Variants in NSMCE2 observed in about 807,000 individuals in gnomAD.
NSMCE2 encodes NSE2 SUMO ligase component of SMC5/6 complex.
NSMCE2 carries 24 observed loss-of-function variants against 23.8 expected under a neutral mutation model. The observed-to-expected ratio is 1.01, with a 90% CI of 0.73 to 1.42. The LOEUF (loss-of-function observed/expected upper bound fraction) is 1.42. NSMCE2 is among the 40% of genes most tolerant of loss of function. NSMCE2 has a pLI of 0.00. For synonymous variants in NSMCE2, 92 were observed against 94.1 expected (o/e 0.98, Z 0.13); for missense variants, 284 against 296.5 (o/e 0.96, Z 0.31).
At chr8:125,295,687 G>A (rs1339316101) in intron 5 of NSMCE2, among the ~76,000 whole-genome samples, 1 of 152,166 alleles carries the variant, frequency 6.6e-6, no homozygotes, top group Non-Finnish European at 1.5e-5. Context: ...AATTTTTAGT[G>A]TGTGATTGTG....
chr8:125,325,169 TACTC>T, intron 5 of NSMCE2, among the ~76,000 whole-genome samples: 1 of 152,268 alleles, frequency 6.6e-6, no homozygotes, highest in Non-Finnish European at 1.5e-5. Context: ...TAGTCTCAGT[TACTC>T]AGGAGGCTGA....
At chr8:125,346,655 C>A (rs898974825) in intron 5 of NSMCE2, among the ~76,000 whole-genome samples, 1 of 152,080 alleles carries the variant, frequency 6.6e-6, no homozygotes, top group Admixed American at 6.6e-5. Flanking sequence ...GATCATCAAG[C>A]CTTTTCTTAT....
chr8:125,234,533 A>G (rs1465588255), intron 5 of NSMCE2, among the ~76,000 whole-genome samples: 1 of 152,200 alleles, frequency 6.6e-6, no homozygotes, highest in African/African-American at 2.4e-5. Context: ...TAACTTTATT[A>G]TAATAACTTA....
At chr8:125,221,866 G>A (rs897742391) in intron 5 of NSMCE2, among the ~76,000 whole-genome samples, 1 of 152,158 alleles carries the variant, frequency 6.6e-6, no homozygotes. Flanking sequence ...GGATTTTGAA[G>A]CATTTCAGAT....
intron 3 of NSMCE2, among the ~76,000 whole-genome samples, chr8:125,120,425 C>T (rs1354267966): frequency 6.6e-6 from 1 of 152,112 alleles, no homozygotes; most frequent in East Asian, 1.9e-4. Context: ...ACATAAAATG[C>T]CAATTTTAAA....
At chr8:125,116,879 A>C (rs1048672207) in intron 3 of NSMCE2, among the ~76,000 whole-genome samples, 48 of 149,702 alleles carry the variant, frequency 3.2e-4, no homozygotes, top group Non-Finnish European at 5.9e-4. Context: ...TTACTTAAGC[A>C]TATAACTTTT....
At chr8:125,167,772 T>A (rs1321407309) in intron 4 of NSMCE2, among the ~76,000 whole-genome samples, 1 of 152,158 alleles carries the variant, frequency 6.6e-6, no homozygotes, top group Non-Finnish European at 1.5e-5. Flanking sequence ...GATTTTTTTT[T>A]TTTATTTTAG....
chr8:125,355,515 T>C (rs1286083918), intron 5 of NSMCE2, among the ~76,000 whole-genome samples: 2 of 151,882 alleles, frequency 1.3e-5, no homozygotes, highest in East Asian at 1.9e-4. Context: ...GCCTGGCCAA[T>C]ATGGTGAAAC....
chr8:125,266,072 C>T (rs1826898338), intron 5 of NSMCE2, among the ~76,000 whole-genome samples: 2 of 148,568 alleles, frequency 1.3e-5, no homozygotes, highest in South Asian at 2.1e-4. Flanking sequence ...TGTGAGCTTG[C>T]GGGGCAGGTC....
chr8:125,344,441 C>T (rs7824635), intron 5 of NSMCE2, among the ~76,000 whole-genome samples: 15,078 of 152,110 alleles, frequency 0.099, 1,526 homozygotes, highest in African/African-American at 0.26. Context: ...TTTCTATATA[C>T]CATTGTTTAA....
rs1184148348 is a variant in NSMCE2, at chr8:125,320,251, GGGAAGGAAGGAAGGAAGGAAGGAA to G, written c.419-36933_419-36910del. Among the ~76,000 whole-genome samples the G allele has an allele frequency of 3.1e-3, 179 of 58,300 alleles. 3 individuals carry two copies. The highest frequency in any genetic ancestry group is 0.013 in the African/African-American group (159 of 12,652). The allele number at this position is 58,300 out of a possible 152,430, so 38.2% of individuals were successfully genotyped here. A position where few individuals can be genotyped will look rare whatever the true frequency, so the allele number is the denominator to read the frequency against. ...GGGAGGGAAGGGAGGGAGGGAGGGA[GGGAAGGAAGGAAGGAAGGAAGGAA>G]GGAAGGAAGGAAGGAAGGAAGGAAG... is the stretch of plus-strand genomic sequence containing the variant. On this transcript the variant is annotated intron_variant, in intron 5 of 7. Transcript: ENST00000287437.
At chr8:125,341,069 C>A (rs1017824173) in intron 5 of NSMCE2, among the ~76,000 whole-genome samples, 2 of 152,146 alleles carry the variant, frequency 1.3e-5, no homozygotes, top group Admixed American at 6.5e-5. Context: ...TTTAACCAGT[C>A]ACCTCTCCAT....
intron 5 of NSMCE2, among the ~76,000 whole-genome samples, chr8:125,301,559 A>T (rs978269572): frequency 2.6e-5 from 4 of 152,016 alleles, no homozygotes; most frequent in African/African-American, 9.7e-5. Flanking sequence ...ACAGCGTCCC[A>T]GTTCCTTCAG....
intron 5 of NSMCE2, 197 bp downstream of exon 5, chr8:125,182,453 C>T: frequency 1.7e-6 from 1 of 580,694 alleles, no homozygotes; most frequent in Non-Finnish European, 3.0e-6. Flanking sequence ...TTTCTGAAAG[C>T]CAACAGTTTC....
chr8:125,242,147 G>A (rs1825788814), intron 5 of NSMCE2, among the ~76,000 whole-genome samples: 1 of 152,102 alleles, frequency 6.6e-6, no homozygotes, highest in African/African-American at 2.4e-5. Flanking sequence ...GACAGTTGAA[G>A]CCAGGAAGTA....
intron 3 of NSMCE2, among the ~76,000 whole-genome samples, chr8:125,118,320 G>T (rs951467786): frequency 3.3e-5 from 5 of 152,164 alleles, no homozygotes; most frequent in Admixed American, 6.5e-5. Context: ...GGCAGAGGTT[G>T]CAGTGAGCCG....
chr8:125,198,393 A>G (rs1823721461), intron 5 of NSMCE2, among the ~76,000 whole-genome samples: 1 of 152,208 alleles, frequency 6.6e-6, no homozygotes, highest in Non-Finnish European at 1.5e-5. Flanking sequence ...AGTTTTTAGC[A>G]TGAAAGGCTG....
At chr8:125,252,483 G>A (rs1457231493) in intron 5 of NSMCE2, among the ~76,000 whole-genome samples, 8 of 152,138 alleles carry the variant, frequency 5.3e-5, no homozygotes, top group South Asian at 2.1e-4. Context: ...CTGAGATCCC[G>A]CCACTGCACT....
In NSMCE2 at chr8:125,357,829, G is replaced by A. The variant is rs145998588; in HGVS notation, c.626+11G>A. The A allele has an allele frequency of 8.1e-5, 128 of 1,588,234 alleles. 1 individual carries two copies. In the African/African-American group the frequency reaches 1.2e-3, roughly 14 times the overall value. On this transcript the variant is annotated intron_variant, in intron 7 of 7. Transcript: ENST00000287437. ...GAAGAAAAAGGCCTAGTGAGTGGAC[G>A]CAGGGAAGGAAGTGGAGCCTTCCCT...
Sources: gnomAD v4.1 joint callset for allele counts (sites outside exome capture counted in the v4.1 genomes callset) on GRCh38, gnomAD v4.1.1 for gene constraint, MANE v1.5 for transcripts, NCBI Gene and HGNC (gene_info 2026-07-23, HGNC 2026-07-21) for gene names.